The following LGR6 variants were observed in gnomAD, a reference collection of about 807,000 sequenced individuals.
The protein encoded by LGR6 is leucine rich repeat containing G protein-coupled receptor 6, also known as leucine-rich repeat-containing G protein-coupled receptor 6.
In LGR6, 45 loss-of-function variants were observed where a neutral mutation model predicts 69.4. That is an observed-to-expected ratio of 0.65 (90% CI 0.51 to 0.83). The LOEUF (loss-of-function observed/expected upper bound fraction) is 0.83. Among genes scored for constraint, LGR6 ranks in the 40% least tolerant of loss-of-function variants. The probability of loss-of-function intolerance (pLI) is 0.00; values close to 1 mark genes in which losing one functional copy is unlikely to be tolerated. For synonymous variants in LGR6, 538 were observed against 555.0 expected (o/e 0.97, Z 0.43); for missense variants, 1,108 against 1,246.7 (o/e 0.89, Z 1.68).
chr1:202,212,338 G>A (rs1040068989), intron 1 of LGR6, among the ~76,000 whole-genome samples: 12 of 152,154 alleles, frequency 7.9e-5, no homozygotes, highest in African/African-American at 2.9e-4. Flanking sequence ...TGGGAAGAGG[G>A]GCTTGAGGAC....
intron 6 of LGR6, among the ~76,000 whole-genome samples, chr1:202,295,727 T>C (rs1356794228): frequency 6.6e-6 from 1 of 152,208 alleles, no homozygotes; most frequent in East Asian, 1.9e-4. Flanking sequence ...AGCCTCTCTG[T>C]GAGCAAATCA....
chr1:202,237,321 C>T (rs1020015435), intron 4 of LGR6, among the ~76,000 whole-genome samples: 21 of 152,254 alleles, frequency 1.4e-4, no homozygotes, highest in African/African-American at 5.1e-4. Context: ...CCAGGCAAGC[C>T]TGTGCTTGCT....
chr1:202,249,098 A>T (rs906626291), intron 4 of LGR6, among the ~76,000 whole-genome samples: 1 of 152,168 alleles, frequency 6.6e-6, no homozygotes, highest in Admixed American at 6.5e-5. Context: ...CCGAGGCTCC[A>T]CTGCAGCCGA....
chr1:202,308,459 G>T (rs900875063), intron 14 of LGR6, among the ~76,000 whole-genome samples: 8 of 152,164 alleles, frequency 5.3e-5, no homozygotes, highest in Admixed American at 3.3e-4. Context: ...TTAGCGTTTG[G>T]TTTGGAACCC....
chr1:202,194,397 A>G (rs1658553668), intron 1 of LGR6, among the ~76,000 whole-genome samples, 196 bp downstream of exon 1: 1 of 152,126 alleles, frequency 6.6e-6, no homozygotes, highest in Admixed American at 6.5e-5. Flanking sequence ...GCGAGCAGGG[A>G]GACCGGGCTT....
At chr1:202,291,625 C>A (rs904040856) in intron 6 of LGR6, among the ~76,000 whole-genome samples, 7 of 152,190 alleles carry the variant, frequency 4.6e-5, no homozygotes, top group African/African-American at 1.4e-4. Context: ...ATTGGGGAGA[C>A]AATATGCATG....
At chr1:202,304,444 C>CT in intron 10 of LGR6, 115 bp from the exon 11 acceptor site, 1 of 630,090 alleles carries the variant, frequency 1.6e-6, no homozygotes, top group Non-Finnish European at 2.6e-6. Flanking sequence ...CTCCATTTCT[C>CT]TCTTTTGTTA....
At position 202,193,973 on chromosome 1, in the gene LGR6, G is replaced by T. The variant is rs1332262974; in HGVS notation, c.-17G>T. Reference sequence around the variant, plus strand: ...CCGCGCCCGGCCGCCAGGTGCCCCAGTAGCCCGACCGCCGAGATGCCCAGC... The same window carrying T: ...CCGCGCCCGGCCGCCAGGTGCCCCATTAGCCCGACCGCCGAGATGCCCAGC... On this transcript the variant is annotated 5_prime_UTR_variant, in exon 1 of 18. Coordinates refer to ENST00000367278, the MANE Select transcript of LGR6 (RefSeq NM_001017403.2). 8.9e-6 allele frequency: 12 copies of T among 1,353,262 alleles called. No homozygotes were observed. The highest frequency in any genetic ancestry group is 1.1e-5 in the Non-Finnish European group (12 of 1,053,244). The allele number at this position is 1,353,262 out of a possible 1,614,324, so 83.8% of individuals were successfully genotyped here.
chr1:202,269,796 CTT>C (rs1473028374), intron 4 of LGR6, among the ~76,000 whole-genome samples: 2 of 152,226 alleles, frequency 1.3e-5, no homozygotes, highest in Non-Finnish European at 1.5e-5. Flanking sequence ...CACCTGCCCT[CTT>C]TCCCTTGCTT....
intron 1 of LGR6, chr1:202,197,195 G>A (rs1255679987): frequency 8.3e-6 from 4 of 479,094 alleles, no homozygotes; most frequent in African/African-American, 8.0e-5. Flanking sequence ...CCACGGCTGT[G>A]AGATTTTCTC....
intron 4 of LGR6, among the ~76,000 whole-genome samples, chr1:202,260,534 A>T (rs1266545320): frequency 6.6e-6 from 1 of 152,152 alleles, no homozygotes; most frequent in Non-Finnish European, 1.5e-5. Context: ...GGGTTTCACC[A>T]TGTTGGCCAG....
intron 1 of LGR6, among the ~76,000 whole-genome samples, chr1:202,209,908 A>ACAGAAAT (rs1208020266): frequency 6.6e-6 from 1 of 152,182 alleles, no homozygotes; most frequent in Admixed American, 6.5e-5. Context: ...TCCATCTCCT[A>ACAGAAAT]CAGAAATGCT....
chr1:202,279,832 T>A (rs75440079), intron 5 of LGR6, among the ~76,000 whole-genome samples: 2,150 of 152,362 alleles, frequency 0.014, 66 homozygotes, highest in African/African-American at 0.049. Context: ...CTGTCCCTTG[T>A]TTTAAATTTA....
intron 1 of LGR6, chr1:202,214,358 C>T (rs1210955901): frequency 2.9e-6 from 3 of 1,026,742 alleles, no homozygotes; most frequent in Non-Finnish European, 4.1e-6. Flanking sequence ...CCCTAATCCC[C>T]TTCCATTGTT....
intron 17 of LGR6, among the ~76,000 whole-genome samples, chr1:202,316,722 A>C (rs891277141): frequency 2.0e-5 from 3 of 152,290 alleles, no homozygotes; most frequent in African/African-American, 7.2e-5. Flanking sequence ...ATCACCTATT[A>C]TATTTGGTAA....
chr1:202,212,033 A>G (rs998364685), intron 1 of LGR6, among the ~76,000 whole-genome samples: 2 of 152,172 alleles, frequency 1.3e-5, no homozygotes, highest in Admixed American at 1.3e-4. Flanking sequence ...GGTACTTACT[A>G]TGGGTGAATA....
At chr1:202,201,534 C>T (rs1247009460) in intron 1 of LGR6, among the ~76,000 whole-genome samples, 1 of 152,186 alleles carries the variant, frequency 6.6e-6, no homozygotes, top group Non-Finnish European at 1.5e-5. Flanking sequence ...AGACAACCTG[C>T]CACTAGTTGC....
At chr1:202,308,933 G>A (rs1653488396) in intron 14 of LGR6, 118 bp from the exon 15 acceptor site, 2 of 1,262,306 alleles carry the variant, frequency 1.6e-6, no homozygotes, top group Non-Finnish European at 2.2e-6. Flanking sequence ...CTTCTCTCCT[G>A]TCCTTTGCTC....
At chr1:202,273,047 C>T (rs565008685) in intron 4 of LGR6, among the ~76,000 whole-genome samples, 4 of 152,302 alleles carry the variant, frequency 2.6e-5, no homozygotes, top group African/African-American at 7.2e-5. Flanking sequence ...TGAATTTTGA[C>T]GTTAGACAAC....
Sources: gnomAD v4.1 joint callset for allele counts (sites outside exome capture counted in the v4.1 genomes callset) on GRCh38, gnomAD v4.1.1 for gene constraint, MANE v1.5 for transcripts, NCBI Gene and HGNC (gene_info 2026-07-23, HGNC 2026-07-21) for gene names.